PCDHA3: variants seen among roughly 807,000 people sequenced by gnomAD.
PCDHA3 encodes protocadherin alpha 3.
PCDHA3 carries 41 observed loss-of-function variants against 62.2 expected under a neutral mutation model. The ratio of observed to expected loss-of-function variants is 0.66; its 90% CI spans 0.51 to 0.86. PCDHA3 has a LOEUF of 0.86. Among genes scored for constraint, PCDHA3 ranks in the 40% least tolerant of loss-of-function variants. The pLI is 0.00. For missense variants in PCDHA3, 1,304 were observed against 1,241.2 expected (o/e 1.05, Z -0.76); for synonymous variants, 640 against 555.4 (o/e 1.15, Z -2.14).
chr5:140,823,421 C>A (rs2150125700), intron 1 of PCDHA3: 2 of 1,613,278 alleles, frequency 1.2e-6, no homozygotes, highest in South Asian at 1.1e-5. Context: ...AGCAACGTGA[C>A]GCTGCAGGTG....
chr5:140,971,236 G>A (rs1384010579), intron 1 of PCDHA3, among the ~76,000 whole-genome samples: 2 of 152,088 alleles, frequency 1.3e-5, no homozygotes, highest in East Asian at 3.9e-4. Flanking sequence ...AAAGCTTGGG[G>A]CAATTTGATA....
intron 1 of PCDHA3, chr5:140,927,167 C>A (rs782612848): frequency 6.2e-7 from 1 of 1,614,164 alleles, no homozygotes; most frequent in Admixed American, 1.7e-5. Context: ...GCCAAAGCTG[C>A]CTGCGTCTTG....
intron 1 of PCDHA3, among the ~76,000 whole-genome samples, chr5:140,840,300 T>A (rs2150305530): frequency 6.6e-6 from 1 of 152,132 alleles, no homozygotes. Flanking sequence ...TGATTAGATA[T>A]TCTTTTAACT....
chr5:140,868,968 C>G (rs782210353), intron 1 of PCDHA3: 16 of 1,446,356 alleles, frequency 1.1e-5, no homozygotes, highest in Middle Eastern at 2.0e-4. Flanking sequence ...TACAAAGGAA[C>G]TCCATCATAC....
At chr5:140,933,988 G>C (rs1156532752) in intron 1 of PCDHA3, among the ~76,000 whole-genome samples, 1 of 151,832 alleles carries the variant, frequency 6.6e-6, no homozygotes, top group Non-Finnish European at 1.5e-5. Context: ...CCTGGTGTTA[G>C]TGTCACCTCT....
chr5:140,906,180 C>T (rs1457176453), intron 1 of PCDHA3, among the ~76,000 whole-genome samples: 1 of 152,132 alleles, frequency 6.6e-6, no homozygotes, highest in Non-Finnish European at 1.5e-5. Flanking sequence ...ACTTTGCATC[C>T]TTCAATCCAA....
At chr5:140,985,129 G>T (rs545746675) in intron 3 of PCDHA3, among the ~76,000 whole-genome samples, 15 of 152,188 alleles carry the variant, frequency 9.9e-5, no homozygotes, top group Admixed American at 8.5e-4. Context: ...AGTAAAGACG[G>T]GGTTTCACCG....
At position 140,848,645 on chromosome 5, in the gene PCDHA3, G is replaced by T; in HGVS notation, c.2394+45054G>T. 1.9e-6 allele frequency: 3 copies of T among 1,593,204 alleles called. 1 individual carries two copies. The highest frequency in any genetic ancestry group is 2.6e-6 in the Non-Finnish European group (3 of 1,163,878). Reference sequence around the variant, plus strand: ...GCACCTTCGTGGGCCGCATCGCGCAGGACCTGGGGCTGGAGCTGGCGGAGC... The same window carrying T: ...GCACCTTCGTGGGCCGCATCGCGCATGACCTGGGGCTGGAGCTGGCGGAGC... On this transcript the variant is annotated intron_variant, in intron 1 of 3. Coordinates refer to ENST00000522353, the MANE Select transcript of PCDHA3 (RefSeq NM_018906.3).
intron 1 of PCDHA3, chr5:140,882,290 G>A: frequency 6.2e-7 from 1 of 1,613,532 alleles, no homozygotes; most frequent in Non-Finnish European, 8.5e-7. Flanking sequence ...CTGGCAAGGA[G>A]GCCCAAGACC....
At chr5:140,893,879 G>A (rs747246517) in intron 1 of PCDHA3, among the ~76,000 whole-genome samples, 26 of 152,060 alleles carry the variant, frequency 1.7e-4, no homozygotes, top group Admixed American at 4.6e-4. Flanking sequence ...GATCCAAAGT[G>A]GCCAGAAAGT....
At chr5:140,831,516 C>G (rs572603415) in intron 1 of PCDHA3, among the ~76,000 whole-genome samples, 1 of 130,566 alleles carries the variant, frequency 7.7e-6, no homozygotes, top group African/African-American at 3.1e-5. Context: ...ACCATGCCCC[C>G]CACCTTTTTT....
At position 140,890,629 on chromosome 5, in the gene PCDHA3, A is replaced by T. The variant is rs6883083; in HGVS notation, c.2394+87038A>T. On this transcript the variant is annotated intron_variant, in intron 1 of 3. Transcript: ENST00000522353. ...TAGTGCTTACCCTAGAAAATTAAGCATGTATCCTTGATATATCAAAATCAA... is the reference window on the plus strand; with the variant it reads ...TAGTGCTTACCCTAGAAAATTAAGCTTGTATCCTTGATATATCAAAATCAA... Among the ~76,000 whole-genome samples, 1,394 of 152,274 alleles carry T rather than the reference A, an allele frequency of 9.2e-3. 17 individuals are homozygous for T. Among genetic ancestry groups the T allele is most frequent in the African/African-American group, 0.032 (1,348 of 41,546 alleles).
chr5:140,834,333 T>G (rs2150215417), intron 1 of PCDHA3: 2 of 1,490,244 alleles, frequency 1.3e-6, no homozygotes, highest in Non-Finnish European at 9.1e-7. Context: ...AACATTCCTA[T>G]AAATTCGAAG....
chr5:140,822,465 T>C (rs2150116566), intron 1 of PCDHA3: 21 of 1,613,564 alleles, frequency 1.3e-5, no homozygotes, highest in Non-Finnish European at 1.5e-5. Flanking sequence ...TGTTGATCAA[T>C]GTATTGGATG....
Position 140,998,756 on chromosome 5 carries a change from G to A in PCDHA3, c.2543-10871G>A, listed in dbSNP as rs78235138. Among the ~76,000 whole-genome samples, 197 of 152,232 alleles carry A rather than the reference G, an allele frequency of 1.3e-3. 4 individuals carry two copies. In the East Asian group the frequency reaches 0.035, roughly 27 times the overall value. On this transcript the variant is annotated intron_variant, in intron 3 of 3. Coordinates refer to ENST00000522353, the MANE Select transcript of PCDHA3 (RefSeq NM_018906.3). Reference sequence around the variant, plus strand: ...ATTTTGTATTTTTAGAAGAGACACAGTTTCACTATGTTGGTCAGGCTGGTC... The same window carrying A: ...ATTTTGTATTTTTAGAAGAGACACAATTTCACTATGTTGGTCAGGCTGGTC...
intron 1 of PCDHA3, chr5:140,968,425 C>T (rs1195446919): frequency 6.2e-7 from 1 of 1,613,832 alleles, no homozygotes; most frequent in Non-Finnish European, 8.5e-7. Flanking sequence ...AGGCTCAGGA[C>T]AAGGGGAGCC....
rs1277596666 is a variant in PCDHA3 at position 140,856,532 on chromosome 5, G to A, written c.2394+52941G>A. ...AGAAGGCGCATCTGATGCGGATGTT[G>A]GAGAGAACGCATTGCTTACTTACAA... On this transcript the variant is annotated intron_variant, in intron 1 of 3. Transcript: ENST00000522353. The A allele has an allele frequency of 1.9e-6, 3 of 1,598,248 alleles. 1 individual carries two copies. The highest frequency in any genetic ancestry group is 2.6e-6 in the Non-Finnish European group (3 of 1,167,844).
chr5:140,935,230 CTA>C (rs1363291872), intron 1 of PCDHA3, among the ~76,000 whole-genome samples: 2 of 152,128 alleles, frequency 1.3e-5, no homozygotes, highest in African/African-American at 4.8e-5. Context: ...TAAGGGATGT[CTA>C]TTTTTTAAAA....
At position 140,801,656 on chromosome 5, in the gene PCDHA3, G is replaced by T. The variant is rs370475459; in HGVS notation, c.459G>T (p.Ser153=). ...SESRQPGSRF[S]LEGASDADIG... ...CCCGACAGCCTGGCTCTCGGTTTTC[G>T]CTAGAGGGCGCATCAGATGCAGATA... The change falls in exon 1 of 4, where the codon TCG becomes TCT. Residue 153 remains serine (S), a synonymous_variant. Transcript: ENST00000522353. The T allele has an allele frequency of 1.2e-6, 2 of 1,614,184 alleles. No individual in the cohort carries two copies. Among genetic ancestry groups the T allele is most frequent in the South Asian group, 1.1e-5 (1 of 91,082 alleles).
Sources: allele counts gnomAD v4.1 joint callset (sites outside exome capture counted in the v4.1 genomes callset), GRCh38; gene constraint gnomAD v4.1.1; transcripts MANE v1.5; gene names NCBI Gene and HGNC (gene_info 2026-07-23, HGNC 2026-07-21).